DOCK4: variants seen among roughly 807,000 people sequenced by gnomAD.
DOCK4 encodes dedicator of cytokinesis 4, also known as dedicator of cytokinesis protein 4.
DOCK4 carries 97 observed loss-of-function variants against 268.1 expected under a neutral mutation model. The ratio of observed to expected loss-of-function variants is 0.36; its 90% confidence interval spans 0.31 to 0.43. The LOEUF is 0.43. DOCK4 is among the 20% of genes least tolerant of loss of function. The probability of loss-of-function intolerance (pLI) is 1.00; values close to 1 mark genes in which losing one functional copy is unlikely to be tolerated. For missense variants in DOCK4, 2,145 were observed against 2,455.7 expected (o/e 0.87, Z 2.67); for synonymous variants, 954 against 887.2 (o/e 1.08, Z -1.34).
chr7:112,092,963 A>C (rs1809773115), intron 1 of DOCK4, among the ~76,000 whole-genome samples: 1 of 152,136 alleles, frequency 6.6e-6, no homozygotes, highest in Non-Finnish European at 1.5e-5. Context: ...CTAGTAACTG[A>C]AAGTGTCATG....
At chr7:111,796,287 C>T (rs1406242561) in intron 30 of DOCK4, among the ~76,000 whole-genome samples, 1 of 152,222 alleles carries the variant, frequency 6.6e-6, no homozygotes, top group African/African-American at 2.4e-5. Context: ...CTGTGCCCAT[C>T]TGAAAGTCCC....
chr7:112,090,173 G>C (rs191601489), intron 1 of DOCK4, among the ~76,000 whole-genome samples: 97 of 152,184 alleles, frequency 6.4e-4, no homozygotes, highest in African/African-American at 2.3e-3. Flanking sequence ...TAATTATCAT[G>C]GGTGATATGT....
chr7:112,103,744 T>C (rs1057267979), intron 1 of DOCK4, among the ~76,000 whole-genome samples: 1 of 152,076 alleles, frequency 6.6e-6, no homozygotes, highest in Non-Finnish European at 1.5e-5. Context: ...TAGCCAGGCA[T>C]GGTGGCGCAT....
intron 1 of DOCK4, among the ~76,000 whole-genome samples, chr7:112,059,746 A>G (rs1806225342): frequency 6.6e-6 from 1 of 152,222 alleles, no homozygotes; most frequent in Admixed American, 6.5e-5. Context: ...GGAAAAAGTC[A>G]TGGAATGTGG....
At chr7:111,772,575 T>C (rs2133693720) in intron 36 of DOCK4, among the ~76,000 whole-genome samples, 1 of 152,178 alleles carries the variant, frequency 6.6e-6, no homozygotes, top group South Asian at 2.1e-4. Flanking sequence ...GCAGGTGCAT[T>C]GCCTGAGGTC....
chr7:111,834,401 C>A (rs1460131942), intron 26 of DOCK4, among the ~76,000 whole-genome samples, 187 bp downstream of exon 26: 1 of 152,058 alleles, frequency 6.6e-6, no homozygotes, highest in Non-Finnish European at 1.5e-5. Context: ...AATAGCTTTG[C>A]TTGAGTAATA....
At chr7:112,084,174 A>T (rs973789065) in intron 1 of DOCK4, among the ~76,000 whole-genome samples, 25 of 150,682 alleles carry the variant, frequency 1.7e-4, no homozygotes, top group African/African-American at 6.1e-4. Context: ...GAACATGCCC[A>T]GCCAATCTCT....
At chr7:111,954,683 T>G (rs1421237519) in intron 8 of DOCK4, among the ~76,000 whole-genome samples, 2 of 152,212 alleles carry the variant, frequency 1.3e-5, no homozygotes, top group Non-Finnish European at 2.9e-5. Context: ...CATGTCAGAC[T>G]GGGACACTTC....
chr7:112,112,414 C>G (rs180836583), intron 1 of DOCK4, among the ~76,000 whole-genome samples: 3,844 of 152,086 alleles, frequency 0.025, 151 homozygotes, highest in African/African-American at 0.086. Context: ...AAGGCCGAGG[C>G]GGGCAGATCA....
intron 1 of DOCK4, among the ~76,000 whole-genome samples, chr7:112,066,865 C>T (rs1163073401): frequency 6.6e-6 from 1 of 150,660 alleles, no homozygotes; most frequent in Non-Finnish European, 1.5e-5. Context: ...ATACAATGGG[C>T]TGGGCACAGT....
intron 1 of DOCK4, among the ~76,000 whole-genome samples, chr7:112,119,904 G>A (rs1210837333): frequency 6.6e-6 from 1 of 151,082 alleles, no homozygotes; most frequent in Admixed American, 6.6e-5. Flanking sequence ...CTGGAGTGCA[G>A]TGGCGCGATC....
intron 6 of DOCK4, among the ~76,000 whole-genome samples, chr7:111,984,738 T>C (rs1296677464): frequency 2.0e-5 from 3 of 152,186 alleles, no homozygotes; most frequent in Non-Finnish European, 2.9e-5. Flanking sequence ...GAATGGAAAC[T>C]AGAGCTAGAC....
Position 111,728,042 on chromosome 7 carries a change from C to G in DOCK4, c.*232G>C. Reference sequence around the variant, plus strand: ...AAGGAGTCTTTATCACTATTTACCACTTCCAAATGAGAAACGTTTTAATGA... The same window carrying G: ...AAGGAGTCTTTATCACTATTTACCAGTTCCAAATGAGAAACGTTTTAATGA... On this transcript the variant is annotated 3_prime_UTR_variant, in exon 53 of 53. Transcript: ENST00000428084. 2.5e-6 allele frequency: 1 copy of G among 400,958 alleles called. No homozygotes were observed. Among genetic ancestry groups the G allele is most frequent in the Non-Finnish European group, 4.4e-6 (1 of 229,174 alleles). 24.8% of individuals were successfully genotyped at this position (400,958 alleles called of 1,614,324 possible).
At chr7:111,787,256 A>G (rs1352480174) in intron 32 of DOCK4, among the ~76,000 whole-genome samples, 2 of 152,132 alleles carry the variant, frequency 1.3e-5, no homozygotes, top group Admixed American at 1.3e-4. Flanking sequence ...GTGCTTTCTC[A>G]TTTTGGTTCT....
chr7:112,042,933 G>C (rs59077533), intron 1 of DOCK4, among the ~76,000 whole-genome samples: 1 of 152,082 alleles, frequency 6.6e-6, no homozygotes, highest in African/African-American at 2.4e-5. Context: ...TCAGCCTCTC[G>C]TGCTTGTTTC....
At chr7:112,205,322 C>G (rs1436719198) in intron 1 of DOCK4, among the ~76,000 whole-genome samples, 1 of 152,140 alleles carries the variant, frequency 6.6e-6, no homozygotes, top group African/African-American at 2.4e-5. Context: ...TCCCCCTCCC[C>G]ATTTATCACT....
intron 1 of DOCK4, among the ~76,000 whole-genome samples, chr7:112,008,522 A>G (rs554778250): frequency 7.3e-4 from 111 of 152,306 alleles, no homozygotes; most frequent in African/African-American, 2.4e-3. Context: ...CTAATTTTCT[A>G]TGAGGAAGAT....
At chr7:112,047,068 C>A (rs1179444300) in intron 1 of DOCK4, among the ~76,000 whole-genome samples, 1 of 152,210 alleles carries the variant, frequency 6.6e-6, no homozygotes, top group East Asian at 1.9e-4. Flanking sequence ...AGGAACAGTA[C>A]CTGAAATTCA....
At chr7:111,848,708 G>A (rs1187399444) in intron 23 of DOCK4, among the ~76,000 whole-genome samples, 1 of 152,082 alleles carries the variant, frequency 6.6e-6, no homozygotes, top group Non-Finnish European at 1.5e-5. Flanking sequence ...TGGATAAAAA[G>A]GGAAAACACC....
Sources: gnomAD v4.1 joint callset for allele counts (sites outside exome capture counted in the v4.1 genomes callset) on GRCh38, gnomAD v4.1.1 for gene constraint, MANE v1.5 for transcripts, NCBI Gene and HGNC (gene_info 2026-07-23, HGNC 2026-07-21) for gene names.